SVOP: variants seen among roughly 807,000 people sequenced by gnomAD.
SVOP encodes the protein synaptic vesicle 2-related protein.
SVOP carries 17 observed loss-of-function variants against 69.1 expected under a neutral mutation model. The ratio of observed to expected loss-of-function variants is 0.25; its 90% CI spans 0.17 to 0.37. SVOP has a LOEUF of 0.37. Ranked by LOEUF, SVOP falls within the 10% of genes least tolerant of loss-of-function variation. SVOP has a pLI of 1.00. For missense variants in SVOP, 435 were observed against 597.5 expected (o/e 0.73, Z 2.84); for synonymous variants, 238 against 238.6 (o/e 1.00, Z 0.02).
chr12:108,919,040 G>A (rs61935515), intron 13 of SVOP, among the ~76,000 whole-genome samples: 36,048 of 107,748 alleles, frequency 0.33, 5,393 homozygotes, highest in East Asian at 0.65. Context: ...GCCAATACCC[G>A]CAACCTGGGC....
intron 1 of SVOP, among the ~76,000 whole-genome samples, chr12:109,017,529 T>A (rs975582498): frequency 4.0e-4 from 61 of 152,292 alleles, no homozygotes; most frequent in African/African-American, 1.3e-3. Flanking sequence ...CAGATTTTTT[T>A]AAAATTTTAC....
intron 5 of SVOP, among the ~76,000 whole-genome samples, chr12:108,964,076 CG>C (rs2040031952): frequency 6.6e-6 from 1 of 151,912 alleles, no homozygotes; most frequent in South Asian, 2.1e-4. Context: ...TATTCAGGTC[CG>C]GGCAAGGTGG....
chr12:108,983,923 G>C (rs2040154836), intron 1 of SVOP, among the ~76,000 whole-genome samples, 162 bp from the exon 2 acceptor site: 1 of 152,230 alleles, frequency 6.6e-6, no homozygotes, highest in Non-Finnish European at 1.5e-5. Context: ...GGGTTGGGGA[G>C]AGTAATAACT....
intron 1 of SVOP, among the ~76,000 whole-genome samples, chr12:109,016,124 T>C (rs1306205680): frequency 6.6e-6 from 1 of 152,204 alleles, no homozygotes; most frequent in Non-Finnish European, 1.5e-5. Context: ...CCAGGCACTG[T>C]GCTGAGAGCT....
Position 108,922,812 on chromosome 12 carries a change from G to A in SVOP, c.1049-15C>T, listed in dbSNP as rs2039758050. On this transcript the variant is annotated splice_polypyrimidine_tract_variant and intron_variant, in intron 11 of 15. Coordinates refer to ENST00000610966, the MANE Select transcript of SVOP (RefSeq NM_018711.5). ...CCGACTGGAGACTGGGGTTGGGAGA[G>A]AGAAAGAGAGGGGGAGACATATACA... The A allele has an allele frequency of 6.4e-7, 1 of 1,570,368 alleles. No individual in the cohort carries two copies. The highest frequency in any genetic ancestry group is 1.4e-5 in the African/African-American group (1 of 74,032).
At chr12:108,975,849 C>G (rs1038210487) in intron 4 of SVOP, among the ~76,000 whole-genome samples, 1 of 151,982 alleles carries the variant, frequency 6.6e-6, no homozygotes, top group Admixed American at 6.6e-5. Flanking sequence ...TTACAGGACG[C>G]GCCACCATGC....
At chr12:108,915,702 G>A in intron 15 of SVOP, 81 bp downstream of exon 15, 2 of 1,413,068 alleles carry the variant, frequency 1.4e-6, no homozygotes, top group Non-Finnish European at 1.9e-6. Context: ...GGGCTCTGGG[G>A]ACAGTCGGCA....
chr12:108,945,537 A>G (rs1261510195), intron 6 of SVOP, among the ~76,000 whole-genome samples: 2 of 151,994 alleles, frequency 1.3e-5, no homozygotes, highest in Non-Finnish European at 1.5e-5. Flanking sequence ...GACTACAGGC[A>G]TGCACCACCA....
At chr12:108,954,269 T>C (rs567054835) in intron 6 of SVOP, among the ~76,000 whole-genome samples, 63 of 152,244 alleles carry the variant, frequency 4.1e-4, no homozygotes, top group African/African-American at 1.4e-3. Context: ...TTTGTACCTG[T>C]AAAATGGAGA....
At chr12:108,966,463 G>T (rs1048795561) in intron 5 of SVOP, among the ~76,000 whole-genome samples, 13 of 151,872 alleles carry the variant, frequency 8.6e-5, no homozygotes, top group Non-Finnish European at 1.9e-4. Flanking sequence ...ATCATGCGGT[G>T]AACGCCCCGG....
chr12:108,919,254 T>A (rs970422843), intron 13 of SVOP, among the ~76,000 whole-genome samples: 2 of 143,682 alleles, frequency 1.4e-5, no homozygotes, highest in Non-Finnish European at 3.0e-5. Flanking sequence ...ACACTTGAGC[T>A]TACACCCACA....
intron 11 of SVOP, among the ~76,000 whole-genome samples, chr12:108,928,595 C>T (rs1274676330): frequency 6.7e-6 from 1 of 150,186 alleles, no homozygotes; most frequent in Admixed American, 6.6e-5. Context: ...GAGACAGAAC[C>T]TCACTCTGTC....
chr12:108,947,761 C>G (rs2039933389), intron 6 of SVOP, among the ~76,000 whole-genome samples: 1 of 152,120 alleles, frequency 6.6e-6, no homozygotes, highest in South Asian at 2.1e-4. Context: ...AGGAGGCCTT[C>G]TTTTCTCTCA....
chr12:108,976,726 C>T (rs2040108575), intron 4 of SVOP, among the ~76,000 whole-genome samples: 1 of 151,982 alleles, frequency 6.6e-6, no homozygotes, highest in African/African-American at 2.4e-5. Flanking sequence ...AGCAATTCTC[C>T]TGCCTCAGCC....
At chr12:109,019,161 G>A (rs956147875) in intron 1 of SVOP, among the ~76,000 whole-genome samples, 5 of 152,126 alleles carry the variant, frequency 3.3e-5, no homozygotes, top group Admixed American at 1.3e-4. Context: ...TGAAAAGAAA[G>A]GAGACTTACT....
At chr12:108,969,281 C>A (rs1168550406) in intron 5 of SVOP, among the ~76,000 whole-genome samples, 1 of 148,392 alleles carries the variant, frequency 6.7e-6, no homozygotes, top group Non-Finnish European at 1.5e-5. Flanking sequence ...CTTCCTTCTC[C>A]CCCTTCCTCA....
intron 1 of SVOP, among the ~76,000 whole-genome samples, chr12:108,993,818 G>C (rs1052056461): frequency 6.6e-6 from 1 of 152,058 alleles, no homozygotes; most frequent in Non-Finnish European, 1.5e-5. Flanking sequence ...AGTCCCCTAA[G>C]GTATTCACAG....
At chr12:108,916,568 T>G (rs7962835) in intron 14 of SVOP, among the ~76,000 whole-genome samples, 1 of 151,928 alleles carries the variant, frequency 6.6e-6, no homozygotes, top group South Asian at 2.1e-4. Flanking sequence ...TGCCTCCCCA[T>G]GCCACCTTAT....
intron 4 of SVOP, among the ~76,000 whole-genome samples, chr12:108,977,144 T>C (rs1183993904): frequency 6.6e-6 from 1 of 152,206 alleles, no homozygotes; most frequent in East Asian, 1.9e-4. Flanking sequence ...TTAAGTGATA[T>C]GCACAGGTGG....
Sources: allele counts gnomAD v4.1 joint callset (sites outside exome capture counted in the v4.1 genomes callset), GRCh38; gene constraint gnomAD v4.1.1; transcripts MANE v1.5; gene names NCBI Gene and HGNC (gene_info 2026-07-23, HGNC 2026-07-21).